ARHGEF25: variants seen among roughly 807,000 people sequenced by gnomAD.
ARHGEF25 encodes RAC/CDC42 exchange factor.
A neutral mutation model predicts 74.0 loss-of-function variants in ARHGEF25; 42 were observed. That is an observed-to-expected ratio of 0.57 (90% CI 0.44 to 0.73). ARHGEF25 has a LOEUF of 0.73. Ranked by LOEUF, ARHGEF25 falls within the 30% of genes least tolerant of loss-of-function variation. The pLI is 0.00. For missense variants in ARHGEF25, 645 were observed against 725.5 expected (o/e 0.89, Z 1.27); for synonymous variants, 293 against 278.6 (o/e 1.05, Z -0.51).
intron 1 of ARHGEF25, chr12:57,612,630 G>T: frequency 9.5e-7 from 1 of 1,054,406 alleles, no homozygotes; most frequent in Non-Finnish European, 1.2e-6. Context: ...AGCTTCCAAT[G>T]TCTGCCCAGA....
chr12:57,615,915 G>T lies in ARHGEF25; in HGVS notation c.1318G>T (p.Gly440Trp). The change falls in exon 13 of 15, where the codon GGG (glycine) becomes TGG (tryptophan). Residue 440 changes from glycine (G) to tryptophan (W), a missense_variant. Physicochemically the swap from Gly to Trp is radical, Grantham distance 184 (BLOSUM62 -2). Coordinates refer to ENST00000286494, the MANE Select transcript of ARHGEF25 (RefSeq NM_182947.4). ...FALTSRGPEG[G>W]IQRYVLQAAD... ...ACTGACCTCCAGAGGGCCAGAGGGT[G>T]GGATCCAGCGCTATGTCCTGCAGGC... The T allele has an allele frequency of 6.2e-7, 1 of 1,614,186 alleles. No individual in the cohort carries two copies. The highest frequency in any genetic ancestry group is 8.5e-7 in the Non-Finnish European group (1 of 1,180,020).
intron 14 of ARHGEF25, 67 bp from the exon 15 acceptor site, chr12:57,616,717 C>A: frequency 8.1e-7 from 1 of 1,231,266 alleles, no homozygotes; most frequent in Non-Finnish European, 1.2e-6. Context: ...GGGACTTAAA[C>A]TGAAAAGAGA....
Position 57,611,486 on chromosome 12 carries a change from C to G in ARHGEF25, c.-409C>G, listed in dbSNP as rs900861434. 3 of 985,592 alleles carry G rather than the reference C, an allele frequency of 3.0e-6. No individual in the cohort carries two copies. The highest frequency in any genetic ancestry group is 1.7e-5 in the African/African-American group (1 of 57,196). The allele number at this position is 985,592 out of a possible 1,614,324, so 61.1% of individuals were successfully genotyped here. A position where few individuals can be genotyped will look rare whatever the true frequency, so the allele number is the denominator to read the frequency against. On this transcript the variant is annotated 5_prime_UTR_variant, in exon 1 of 15. Coordinates refer to ENST00000286494, the MANE Select transcript of ARHGEF25 (RefSeq NM_182947.4). This position sits in a 1 kb window ranked among gnomAD's most constrained non-coding sequence, Gnocchi z 4.5. Reference sequence around the variant, plus strand: ...CGCACAGCGCCAGTGGCTCGGGGGTCGGCCCTCGCCTCCTCCCCGGCCCGG... The same window carrying G: ...CGCACAGCGCCAGTGGCTCGGGGGTGGGCCCTCGCCTCCTCCCCGGCCCGG...
chr12:57,615,797 C>T (rs1884258106), intron 12 of ARHGEF25, 40 bp from the exon 13 acceptor site: 1 of 1,612,132 alleles, frequency 6.2e-7, no homozygotes, highest in Non-Finnish European at 8.5e-7. Flanking sequence ...CCAGGGAGGG[C>T]CTGAGGAATC....
rs1472489202 is a variant in ARHGEF25 at position 57,611,706 on chromosome 12, C to T, written c.-189C>T. 9.4e-6 allele frequency: 11 copies of T among 1,166,490 alleles called. No homozygotes were observed. Among genetic ancestry groups the T allele is most frequent in the Non-Finnish European group, 1.2e-5 (11 of 946,188 alleles). The allele number at this position is 1,166,490 out of a possible 1,614,324, so 72.3% of individuals were successfully genotyped here. A position where few individuals can be genotyped will look rare whatever the true frequency, so the allele number is the denominator to read the frequency against. On this transcript the variant is annotated 5_prime_UTR_variant, in exon 1 of 15. Transcript: ENST00000286494. This position sits in a 1 kb window ranked among gnomAD's most constrained non-coding sequence, Gnocchi z 4.5. The stretch of plus-strand genomic sequence containing the variant: ...GCCTCTCTCTCTCTAGAGCCCCCAG[C>T]CCTCCTCAAGACTAGACTTCCGCCT...
chr12:57,614,488 GCT>G lies in ARHGEF25; in HGVS notation c.727-21_727-20del. On this transcript the variant is annotated intron_variant, in intron 7 of 14. Transcript: ENST00000286494. The surrounding 1 kb of genome is among the most constrained non-coding windows in gnomAD (Gnocchi z 4.6). ...TGCGTCCTCCCTCCTTGCCCACCCT[GCT>G]CTCTCTTAAACATTACCCCTGTTAG... The G allele has an allele frequency of 1.9e-6, 3 of 1,613,998 alleles. No individual in the cohort carries two copies. The highest frequency in any genetic ancestry group is 2.5e-6 in the Non-Finnish European group (3 of 1,179,954).
Position 57,611,720 on chromosome 12 carries a change from A to C in ARHGEF25, c.-175A>C. On this transcript the variant is annotated 5_prime_UTR_variant, in exon 1 of 15. Coordinates refer to ENST00000286494, the MANE Select transcript of ARHGEF25 (RefSeq NM_182947.4). This position sits in a 1 kb window ranked among gnomAD's most constrained non-coding sequence, Gnocchi z 4.5. ...AGAGCCCCCAGCCCTCCTCAAGACT[A>C]GACTTCCGCCTACCCCTGGACACCT... 1 of 1,164,210 alleles carries C rather than the reference A, an allele frequency of 8.6e-7. No individual in the cohort carries two copies. Among genetic ancestry groups the C allele is most frequent in the Non-Finnish European group, 1.1e-6 (1 of 945,086 alleles). The allele number at this position is 1,164,210 out of a possible 1,614,324, so 72.1% of individuals were successfully genotyped here. A position where few individuals can be genotyped will look rare whatever the true frequency, so the allele number is the denominator to read the frequency against.
chr12:57,611,618 T>A lies in ARHGEF25; in HGVS notation c.-277T>A, dbSNP rs1358657846. On this transcript the variant is annotated 5_prime_UTR_variant, in exon 1 of 15. Coordinates refer to ENST00000286494, the MANE Select transcript of ARHGEF25 (RefSeq NM_182947.4). This position sits in a 1 kb window ranked among gnomAD's most constrained non-coding sequence, Gnocchi z 4.5. The stretch of plus-strand genomic sequence containing the variant: ...CCCCTTCCACTGGACATCTGGACCC[T>A]AGGCCCCCGCACCGACAGGGTTCCG... The A allele has an allele frequency of 9.8e-7, 1 of 1,025,386 alleles. No homozygotes were observed. The highest frequency in any genetic ancestry group is 5.8e-5 in the Admixed American group (1 of 17,292). The allele number at this position is 1,025,386 out of a possible 1,614,324, so 63.5% of individuals were successfully genotyped here.
chr12:57,615,350 C>A (rs1431741532), intron 11 of ARHGEF25, 36 bp downstream of exon 11: 1 of 1,585,834 alleles, frequency 6.3e-7, no homozygotes, highest in Non-Finnish European at 8.6e-7. Context: ...AGGCCCGATG[C>A]TCTTCTGCCC....
chr12:57,610,697 G>C (rs773567553), upstream of ARHGEF25: 2 of 1,603,806 alleles, frequency 1.2e-6, no homozygotes, highest in South Asian at 1.1e-5. Context: ...AAGAAGCTGG[G>C]GGTGGGGTGG....
upstream of ARHGEF25, chr12:57,610,307 C>A (rs1343223362): frequency 1.4e-6 from 2 of 1,479,254 alleles, no homozygotes; most frequent in Non-Finnish European, 1.8e-6. Flanking sequence ...CCTCCCTGGG[C>A]AGGAGGGGGT....
Position 57,615,849 on chromosome 12 carries a change from G to A in ARHGEF25, c.1252G>A (p.Gly418Arg). The A allele has an allele frequency of 1.2e-6, 2 of 1,613,758 alleles. No individual in the cohort carries two copies. Among genetic ancestry groups the A allele is most frequent in the South Asian group, 1.1e-5 (1 of 91,046 alleles). ...YKNSIKVSCL[G>R]LEGNLQGDPC... ...TCTGCCAATTCAGGTGAGCTGCCTG[G>A]GACTGGAGGGGAACCTCCAAGGTGA... is the stretch of plus-strand genomic sequence containing the variant. The change falls in exon 13 of 15, where the codon GGA becomes AGA. Residue 418 changes from glycine to arginine, a missense_variant. This residue lies in a region of ARHGEF25 where 262 missense variants were observed against 256.9 expected (regional missense o/e 1.02). Transcript: ENST00000286494.
Position 57,614,165 on chromosome 12 carries a change from A to G in ARHGEF25, c.656+46A>G. On this transcript the variant is annotated intron_variant, in intron 6 of 14. Coordinates refer to ENST00000286494, the MANE Select transcript of ARHGEF25 (RefSeq NM_182947.4). This position sits in a 1 kb window ranked among gnomAD's most constrained non-coding sequence, Gnocchi z 4.6. ...AGCTAGGTGCTGGAGAGGGGCCCTC[A>G]TCTGGTTGTCCTGTATCCTAACATC... 6.2e-6 allele frequency: 10 copies of G among 1,606,240 alleles called. No homozygotes were observed. The highest frequency in any genetic ancestry group is 7.7e-6 in the Non-Finnish European group (9 of 1,173,000).
At chr12:57,613,879 C>A in intron 5 of ARHGEF25, 119 bp downstream of exon 5, 2 of 1,485,476 alleles carry the variant, frequency 1.3e-6, no homozygotes, top group Non-Finnish European at 1.9e-6. Flanking sequence ...CACTCCTGGA[C>A]CTTCCTACTC....
Position 57,616,807 on chromosome 12 carries a change from T to A in ARHGEF25, c.1656T>A (p.Ala552=), listed in dbSNP as rs376055022. ...DKQALGDIPQ[A]PHDSPPVSPT... ...AGGCCCTTGGTGACATCCCCCAGGC[T>A]CCCCATGACTCTCCTCCAGTCTCTC... Residue 552 remains alanine (A), a synonymous_variant, in exon 15 of 15, where the codon GCT becomes GCA. Coordinates refer to ENST00000286494, the MANE Select transcript of ARHGEF25 (RefSeq NM_182947.4). 17 of 1,611,632 alleles carry A rather than the reference T, an allele frequency of 1.1e-5. No homozygotes were observed. Among genetic ancestry groups the A allele is most frequent in the Non-Finnish European group, 1.4e-5 (17 of 1,178,906 alleles).
In ARHGEF25 at chr12:57,615,601, T is replaced by C. The variant is rs34987074; in HGVS notation, c.1128T>C (p.Gly376=). Reference sequence around the variant, plus strand: ...CTGGAGGGCTGCTGTCTTCCCGAGGTCGAGAGAGGCGCGTCTTCCTCTTTG... The same window carrying C: ...CTGGAGGGCTGCTGTCTTCCCGAGGCCGAGAGAGGCGCGTCTTCCTCTTTG... ...PEAGGLLSSR[G]RERRVFLFEQ... Residue 376 remains glycine, a synonymous_variant, in exon 12 of 15, where the codon GGT becomes GGC. Coordinates refer to ENST00000286494, the MANE Select transcript of ARHGEF25 (RefSeq NM_182947.4). 1.6e-3 allele frequency: 2,571 copies of C among 1,614,032 alleles called. 32 individuals carry two copies. In the African/African-American group the frequency reaches 0.027, roughly 17 times the overall value.
Position 57,614,804 on chromosome 12 carries a change from GGGCACAGCTGGCT to G in ARHGEF25, c.909+34_909+46del, listed in dbSNP as rs775181112. ...AAGGTCAGGACCCCCTTTTTCCTGG[GGGCACAGCTGGCT>G]GGCACAGCTGTTTCCTCATTCATCT... On this transcript the variant is annotated intron_variant, in intron 9 of 14. Transcript: ENST00000286494. The surrounding 1 kb of genome is among the most constrained non-coding windows in gnomAD (Gnocchi z 4.6). 19 of 1,593,788 alleles carry G rather than the reference GGGCACAGCTGGCT, an allele frequency of 1.2e-5. No homozygotes were observed. Among genetic ancestry groups the G allele is most frequent in the Admixed American group, 1.7e-5 (1 of 57,950 alleles).
chr12:57,612,819 T>C, intron 1 of ARHGEF25, 111 bp from the exon 2 acceptor site: 1 of 1,515,062 alleles, frequency 6.6e-7, no homozygotes. Context: ...GAGTGAGCCC[T>C]TGGAGAGAGA....
chr12:57,613,949 C>A, intron 5 of ARHGEF25, 67 bp from the exon 6 acceptor site: 1 of 1,539,786 alleles, frequency 6.5e-7, no homozygotes, highest in Non-Finnish European at 9.0e-7. Flanking sequence ...GATTTGTGTA[C>A]AGGAGCACCA....
Sources: gnomAD v4.1 joint callset for allele counts on GRCh38, gnomAD v4.1.1 for gene constraint, gnomAD v4.1.1 regional missense constraint, Gnocchi (gnomAD v3.1) non-coding constraint, MANE v1.5 for transcripts, NCBI Gene and HGNC (gene_info 2026-07-23, HGNC 2026-07-21) for gene names.